TBC1D24: variants seen among roughly 807,000 people sequenced by gnomAD.
TBC1D24 encodes Infantile myoclonic epilepsy.
TBC1D24 carries 47 observed loss-of-function variants against 50.7 expected under a neutral mutation model. The ratio of observed to expected loss-of-function variants is 0.93; its 90% CI spans 0.73 to 1.18. The LOEUF is 1.18. Among genes scored for constraint, TBC1D24 ranks in the 50% most tolerant of loss-of-function variants. TBC1D24 has a pLI of 0.00. For missense variants in TBC1D24, 688 were observed against 766.5 expected (o/e 0.90, Z 1.21); for synonymous variants, 324 against 335.2 (o/e 0.97, Z 0.36).
chr16:2,486,085 G>A lies in TBC1D24; in HGVS notation c.-115-9949G>A, dbSNP rs1351970301. ...TGCTCAGGAGCGGGTGGGGCCTGCCGGTCTCCCTAGCCCACCACCAGGTTT... is the reference window on the plus strand; with the variant it reads ...TGCTCAGGAGCGGGTGGGGCCTGCCAGTCTCCCTAGCCCACCACCAGGTTT... On this transcript the variant is annotated intron_variant, in intron 1 of 7. Transcript: ENST00000646147. The surrounding 1 kb of genome is among the most constrained non-coding windows in gnomAD (Gnocchi z 5.8). 3.3e-5 allele frequency among the ~76,000 whole-genome samples: 5 copies of A among 152,278 alleles called. 1 individual carries two copies. The South Asian group carries it at 6.2e-4, about 19-fold the overall frequency.
At chr16:2,494,107 A>T in intron 1 of TBC1D24, among the ~76,000 whole-genome samples, 1 of 152,106 alleles carries the variant, frequency 6.6e-6, no homozygotes, top group East Asian at 1.9e-4. Flanking sequence ...TAGCACACAC[A>T]GCTGGTTAAA....
intron 1 of TBC1D24, chr16:2,478,906 C>T (rs1238587556): frequency 4.1e-5 from 6 of 145,032 alleles, no homozygotes; most frequent in African/African-American, 1.5e-4. Context: ...TTTTTCGAGA[C>T]AGGGTCTCAT....
chr16:2,492,888 T>G (rs889712699), intron 1 of TBC1D24, among the ~76,000 whole-genome samples: 1 of 151,554 alleles, frequency 6.6e-6, no homozygotes, highest in Non-Finnish European at 1.5e-5. Flanking sequence ...AGGTCGGGAG[T>G]TCGAGACCAG....
chr16:2,500,641 G>A lies in TBC1D24; in HGVS notation c.1525+151G>A, dbSNP rs2065785226. 4 of 1,302,620 alleles carry A rather than the reference G, an allele frequency of 3.1e-6. No homozygotes were observed. The highest frequency in any genetic ancestry group is 1.4e-5 in the South Asian group (1 of 70,296). The allele number at this position is 1,302,620 out of a possible 1,614,324, so 80.7% of individuals were successfully genotyped here. ...TGATGGGTGGGAGGGGGCTGGAAGG[G>A]AGAGACCAGCCTGGACAGCTGGTCC... On this transcript the variant is annotated intron_variant, in intron 7 of 7. Transcript: ENST00000646147. The surrounding 1 kb of genome is among the most constrained non-coding windows in gnomAD (Gnocchi z 8.0).
rs538685891 is a variant in TBC1D24, at chr16:2,498,177, G to A, written c.984-61G>A. On this transcript the variant is annotated intron_variant, in intron 3 of 7. Coordinates refer to ENST00000646147, the MANE Select transcript of TBC1D24 (RefSeq NM_001199107.2). ...CCAAAGAGGCTCTGGGGCATACCTC[G>A]GGGGGCATGGCCTGGCCCCAGACGT... 78 of 1,540,174 alleles carry A rather than the reference G, an allele frequency of 5.1e-5. 3 individuals are homozygous for A. The South Asian group carries it at 7.8e-4, about 15-fold the overall frequency.
intron 1 of TBC1D24, among the ~76,000 whole-genome samples, chr16:2,494,073 G>T (rs1008924884): frequency 6.6e-6 from 1 of 151,752 alleles, no homozygotes; most frequent in Non-Finnish European, 1.5e-5. Context: ...CGACAGGGTG[G>T]GATAGCATAG....
At chr16:2,491,671 C>T (rs1035165361) in intron 1 of TBC1D24, among the ~76,000 whole-genome samples, 2 of 151,906 alleles carry the variant, frequency 1.3e-5, no homozygotes, top group Non-Finnish European at 2.9e-5. Flanking sequence ...TCTCCTGCCT[C>T]AGCCTCCCAC....
chr16:2,488,976 A>G (rs2065674141), intron 1 of TBC1D24, among the ~76,000 whole-genome samples: 1 of 150,532 alleles, frequency 6.6e-6, no homozygotes, highest in South Asian at 2.1e-4. Context: ...AGGCTGAGGC[A>G]GAAGAATCAC....
At chr16:2,498,419 C>G (rs1016577372) in intron 4 of TBC1D24, 23 bp downstream of exon 4, 1 of 1,587,956 alleles carries the variant, frequency 6.3e-7, no homozygotes, top group African/African-American at 1.3e-5. Flanking sequence ...GGGGCCAGAG[C>G]GGGCGGCAGA....
chr16:2,496,509 C>G lies in TBC1D24; in HGVS notation c.361C>G (p.Leu121Val), dbSNP rs2065740944. The G allele has an allele frequency of 6.2e-7, 1 of 1,609,308 alleles. No homozygotes were observed. The highest frequency in any genetic ancestry group is 8.5e-7 in the Non-Finnish European group (1 of 1,179,962). ...EGAVRKILLCLANQFPDISFC... is the reference protein window; with the variant it reads ...EGAVRKILLCVANQFPDISFC... ...GGCCGTGCGCAAGATCCTCCTGTGC[C>G]TGGCCAACCAGTTCCCCGACATCTC... is the stretch of plus-strand genomic sequence containing the variant. The change falls in exon 2 of 8, where the codon CTG (leucine) becomes GTG (valine). Residue 121 changes from leucine to valine, a missense_variant. Physicochemically the swap from Leu to Val is conservative, Grantham distance 32 (BLOSUM62 1). Transcript: ENST00000646147.
chr16:2,480,199 C>T (rs188392780), intron 1 of TBC1D24: 11 of 152,212 alleles, frequency 7.2e-5, no homozygotes, highest in East Asian at 3.9e-4. Flanking sequence ...GGTGCAGTCA[C>T]GGCTCACTGC....
intron 1 of TBC1D24, among the ~76,000 whole-genome samples, chr16:2,494,373 C>T (rs915818399): frequency 2.7e-5 from 4 of 150,904 alleles, no homozygotes; most frequent in African/African-American, 9.8e-5. Flanking sequence ...GATTACGCCA[C>T]TGCACTCCAG....
At position 2,496,504 on chromosome 16, in the gene TBC1D24, T is replaced by C; in HGVS notation, c.356T>C (p.Leu119Pro). ...GAGGGGGCCGTGCGCAAGATCCTCCTGTGCCTGGCCAACCAGTTCCCCGAC... is the reference window on the plus strand; with the variant it reads ...GAGGGGGCCGTGCGCAAGATCCTCCCGTGCCTGGCCAACCAGTTCCCCGAC... The part of the protein sequence containing the change: ...RGEGAVRKIL[L>P]CLANQFPDIS... Residue 119 changes from leucine to proline, a missense_variant, in exon 2 of 8, where the codon CTG (leucine) becomes CCG (proline). Physicochemically the swap from Leu to Pro is moderately conservative, Grantham distance 98 (BLOSUM62 -3). Transcript: ENST00000646147. The C allele has an allele frequency of 1.2e-6, 2 of 1,609,616 alleles. No individual in the cohort carries two copies. The highest frequency in any genetic ancestry group is 1.7e-6 in the Non-Finnish European group (2 of 1,179,920).
chr16:2,499,733 T>C lies in TBC1D24; in HGVS notation c.1207-102T>C. 1 of 1,051,794 alleles carries C rather than the reference T, an allele frequency of 9.5e-7. No homozygotes were observed. The allele number at this position is 1,051,794 out of a possible 1,614,324, so 65.2% of individuals were successfully genotyped here. ...GGTGGGGGTGGGAGACGGCAATGCC[T>C]GCACCCCCACCTGTGACCTGGGACA... On this transcript the variant is annotated intron_variant, in intron 5 of 7. Coordinates refer to ENST00000646147, the MANE Select transcript of TBC1D24 (RefSeq NM_001199107.2). The surrounding 1 kb of genome is among the most constrained non-coding windows in gnomAD (Gnocchi z 4.0).
In TBC1D24 at chr16:2,485,874, C is replaced by T. The variant is rs2065645454; in HGVS notation, c.-115-10160C>T. Reference sequence around the variant, plus strand: ...CAAAGAGTCCAGACACGCTTCCAGGCCCTCTCAGCCACCCCCACACCGTCC... The same window carrying T: ...CAAAGAGTCCAGACACGCTTCCAGGTCCTCTCAGCCACCCCCACACCGTCC... On this transcript the variant is annotated intron_variant, in intron 1 of 7. Coordinates refer to ENST00000646147, the MANE Select transcript of TBC1D24 (RefSeq NM_001199107.2). The surrounding 1 kb of genome is among the most constrained non-coding windows in gnomAD (Gnocchi z 4.6). Among the ~76,000 whole-genome samples the T allele has an allele frequency of 6.6e-6, 1 of 152,208 alleles. No individual in the cohort carries two copies. The highest frequency in any genetic ancestry group is 1.5e-5 in the Non-Finnish European group (1 of 68,028).
chr16:2,499,477 A>G lies in TBC1D24; in HGVS notation c.1206+57A>G. On this transcript the variant is annotated intron_variant, in intron 5 of 7. Coordinates refer to ENST00000646147, the MANE Select transcript of TBC1D24 (RefSeq NM_001199107.2). The surrounding 1 kb of genome is among the most constrained non-coding windows in gnomAD (Gnocchi z 4.0). ...CTGATGGGCTCCAGGGCTGGCTCTG[A>G]TGGGCTCCAGGGCTGGCTCTGATGG... The G allele has an allele frequency of 2.0e-6, 3 of 1,517,148 alleles. No individual in the cohort carries two copies. Among genetic ancestry groups the G allele is most frequent in the Non-Finnish European group, 2.7e-6 (3 of 1,100,032 alleles). The allele number at this position is 1,517,148 out of a possible 1,614,324, so 94.0% of individuals were successfully genotyped here. A position where few individuals can be genotyped will look rare whatever the true frequency, so the allele number is the denominator to read the frequency against.
chr16:2,498,388 C>T lies in TBC1D24; in HGVS notation c.1134C>T (p.Ser378=). The T allele has an allele frequency of 6.2e-7, 1 of 1,604,864 alleles. No individual in the cohort carries two copies. Among genetic ancestry groups the T allele is most frequent in the Non-Finnish European group, 8.5e-7 (1 of 1,176,044 alleles). Residue 378 remains serine (S), a synonymous_variant, in exon 4 of 8, where the codon AGC becomes AGT. Transcript: ENST00000646147. ...TCTCCTCCCTGCAGCACGGGTACAG[C>T]CTGGCCAGGTAACACCCCAAGGGGC... ...LLFSSLQHGY[S]LARFYFQCEG...
chr16:2,489,213 C>T (rs1479340441), intron 1 of TBC1D24, among the ~76,000 whole-genome samples: 1 of 151,806 alleles, frequency 6.6e-6, no homozygotes, highest in African/African-American at 2.4e-5. Context: ...GGGCGGATCA[C>T]GAGGTCAGGA....
At position 2,499,990 on chromosome 16, in the gene TBC1D24, G is replaced by A; in HGVS notation, c.1302+60G>A. On this transcript the variant is annotated intron_variant, in intron 6 of 7. Transcript: ENST00000646147. This position sits in a 1 kb window ranked among gnomAD's most constrained non-coding sequence, Gnocchi z 4.0. ...AGACCCTGTAGCTGCATCCCTCCAG[G>A]AGCACCCGCCTGCCCTGGGGACACT... 1 of 1,487,612 alleles carries A rather than the reference G, an allele frequency of 6.7e-7. No individual in the cohort carries two copies. Among genetic ancestry groups the A allele is most frequent in the South Asian group, 1.1e-5 (1 of 88,610 alleles). 92.2% of individuals were successfully genotyped at this position (1,487,612 alleles called of 1,614,324 possible).
Sources: allele counts gnomAD v4.1 joint callset (sites outside exome capture counted in the v4.1 genomes callset), GRCh38; gene constraint gnomAD v4.1.1; non-coding constraint Gnocchi (gnomAD v3.1); transcripts MANE v1.5; gene names NCBI Gene and HGNC (gene_info 2026-07-23, HGNC 2026-07-21).